SMARCA4: variants seen among roughly 807,000 people sequenced by gnomAD.
SMARCA4 encodes SWI/SNF-related matrix-associated actin-dependent regulator of chromatin subfamily A member 4.
SMARCA4 carries 31 observed loss-of-function variants against 193.9 expected under a neutral mutation model. The observed-to-expected ratio is 0.16, with a 90% CI of 0.12 to 0.22. The LOEUF (loss-of-function observed/expected upper bound fraction) is 0.22. SMARCA4 is among the 10% of genes least tolerant of loss of function. SMARCA4 has a pLI of 1.00. For synonymous variants in SMARCA4, 942 were observed against 933.1 expected (o/e 1.01, Z -0.17); for missense variants, 1,148 against 2,296.0 (o/e 0.50, Z 10.22).
intron 15 of SMARCA4, 107 bp downstream of exon 15, chr19:11,010,638 C>A: frequency 9.2e-7 from 1 of 1,086,894 alleles, no homozygotes. Flanking sequence ...ACCTTTTGCT[C>A]TTTGTGGGCA....
intron 1 of SMARCA4, among the ~76,000 whole-genome samples, chr19:10,965,882 T>C (rs1330637711): frequency 6.6e-6 from 1 of 151,982 alleles, no homozygotes; most frequent in African/African-American, 2.4e-5. Context: ...TGGTCCATCA[T>C]TGACCAAAAT....
intron 1 of SMARCA4, among the ~76,000 whole-genome samples, chr19:10,972,447 TTG>T (rs2084751258): frequency 6.6e-6 from 1 of 151,952 alleles, no homozygotes; most frequent in African/African-American, 2.4e-5. Flanking sequence ...CTATGTGACA[TTG>T]TGTCATGTTT....
rs2075110610 is a variant in SMARCA4, at chr19:11,034,065, T to G, written c.3874-58T>G. On this transcript the variant is annotated intron_variant, in intron 27 of 34. Coordinates refer to ENST00000344626, the MANE Select transcript of SMARCA4 (RefSeq NM_003072.5). The surrounding 1 kb of genome is among the most constrained non-coding windows in gnomAD (Gnocchi z 7.0). ...CGGACGCCGCCGCTCGCCTCTGAGC[T>G]CGGCCGCCGCCCACCCCGGCCCCTC... is the stretch of plus-strand genomic sequence containing the variant. 4.3e-6 allele frequency: 6 copies of G among 1,385,362 alleles called. No homozygotes were observed. In the South Asian group the frequency reaches 6.9e-5, roughly 16 times the overall value. The allele number at this position is 1,385,362 out of a possible 1,614,324, so 85.8% of individuals were successfully genotyped here.
rs988922469 is a variant in SMARCA4 at position 11,041,800 on chromosome 19, C to A, written c.4424+240C>A. Reference sequence around the variant, plus strand: ...TGTCACATGTGGTCGAGAGGAGAGGCAGGGGTGCGGGTCTCGGAGAAGGGG... The same window carrying A: ...TGTCACATGTGGTCGAGAGGAGAGGAAGGGGTGCGGGTCTCGGAGAAGGGG... On this transcript the variant is annotated intron_variant, in intron 30 of 34. Transcript: ENST00000344626. The surrounding 1 kb of genome is among the most constrained non-coding windows in gnomAD (Gnocchi z 5.6). 2.0e-5 allele frequency among the ~76,000 whole-genome samples: 3 copies of A among 152,026 alleles called. No individual in the cohort carries two copies. The highest frequency in any genetic ancestry group is 7.2e-5 in the African/African-American group (3 of 41,394).
chr19:10,989,473 A>T (rs1032564551), intron 7 of SMARCA4, 30 bp downstream of exon 7: 1 of 1,612,730 alleles, frequency 6.2e-7, no homozygotes, highest in East Asian at 2.2e-5. Flanking sequence ...CAGCTTTCCG[A>T]AAAGGGCCTT....
intron 1 of SMARCA4, among the ~76,000 whole-genome samples, chr19:10,979,359 T>A (rs959674637): frequency 2.7e-5 from 4 of 150,712 alleles, no homozygotes; most frequent in African/African-American, 9.7e-5. Flanking sequence ...ATGAGAATGC[T>A]CACATAAAAA....
intron 8 of SMARCA4, among the ~76,000 whole-genome samples, chr19:10,993,727 G>C (rs1403593741): frequency 2.0e-5 from 3 of 151,434 alleles, no homozygotes; most frequent in Non-Finnish European, 2.9e-5. Flanking sequence ...CTCACTGCAA[G>C]CTCTGCCTGC....
intron 11 of SMARCA4, among the ~76,000 whole-genome samples, chr19:10,998,170 G>A (rs918278183): frequency 2.0e-5 from 3 of 152,142 alleles, no homozygotes; most frequent in Non-Finnish European, 4.4e-5. Context: ...ATAGGCGTGA[G>A]CCACCACGCT....
chr19:11,061,622 C>T lies in SMARCA4; in HGVS notation c.4912-162C>T, dbSNP rs551001604. On this transcript the variant is annotated intron_variant, in intron 34 of 34. Coordinates refer to ENST00000344626, the MANE Select transcript of SMARCA4 (RefSeq NM_003072.5). ...CGATCTCCTGACCTCGTGATCCGCCCGCCTTGGCCTTCCAAAGTGCTGGGA... is the reference window on the plus strand; with the variant it reads ...CGATCTCCTGACCTCGTGATCCGCCTGCCTTGGCCTTCCAAAGTGCTGGGA... 1.3e-4 allele frequency: 95 copies of T among 721,000 alleles called. No individual in the cohort carries two copies. In the East Asian group the frequency reaches 2.0e-3, roughly 15 times the overall value. The allele number at this position is 721,000 out of a possible 1,614,324, so 44.7% of individuals were successfully genotyped here.
In SMARCA4 at chr19:10,985,339, G is replaced by A. The variant is rs566882838; in HGVS notation, c.289G>A (p.Gly97Arg). 1 of 1,614,052 alleles carries A rather than the reference G, an allele frequency of 6.2e-7. No homozygotes were observed. The highest frequency in any genetic ancestry group is 2.2e-5 in the East Asian group (1 of 44,864). Reference sequence around the variant, plus strand: ...GCGCTACAACCAGATGAAAGGAATGGGGATGCGGTCAGGGGGCCATGCTGG... The same window carrying A: ...GCGCTACAACCAGATGAAAGGAATGAGGATGCGGTCAGGGGGCCATGCTGG... ...DPRYNQMKGM[G>R]MRSGGHAGMG... Residue 97 changes from glycine (G) to arginine (R), a missense_variant, in exon 3 of 35, where the codon GGG (glycine) becomes AGG (arginine). This residue lies in a region of SMARCA4 where 201 missense variants were observed against 248.3 expected (regional missense o/e 0.81). Coordinates refer to ENST00000344626, the MANE Select transcript of SMARCA4 (RefSeq NM_003072.5). This position sits in a 1 kb window ranked among gnomAD's most constrained non-coding sequence, Gnocchi z 4.5.
In SMARCA4 at chr19:11,041,578, G is replaced by T. The variant is rs1424376113; in HGVS notation, c.4424+18G>T. Reference sequence around the variant, plus strand: ...AAGGACAGGTAAGCGAGGAGGCGGGGAGGGCGGGGGCTGTAGGGGTCCCCG... The same window carrying T: ...AAGGACAGGTAAGCGAGGAGGCGGGTAGGGCGGGGGCTGTAGGGGTCCCCG... On this transcript the variant is annotated intron_variant, in intron 30 of 34. Transcript: ENST00000344626. The surrounding 1 kb of genome is among the most constrained non-coding windows in gnomAD (Gnocchi z 5.6). 6.2e-7 allele frequency: 1 copy of T among 1,609,830 alleles called. No individual in the cohort carries two copies. Among genetic ancestry groups the T allele is most frequent in the Non-Finnish European group, 8.5e-7 (1 of 1,178,988 alleles).
chr19:11,045,981 T>G (rs894538977), intron 30 of SMARCA4, among the ~76,000 whole-genome samples: 1 of 152,054 alleles, frequency 6.6e-6, no homozygotes, highest in Non-Finnish European at 1.5e-5. Context: ...CCCAGCACTT[T>G]GGGAGGCTGA....
At chr19:11,061,199 AAAAAAAT>A (rs1341993477) in intron 34 of SMARCA4, among the ~76,000 whole-genome samples, 25 of 73,812 alleles carry the variant, frequency 3.4e-4, no homozygotes, top group South Asian at 1.3e-3. Context: ...AAAAAAAAAA[AAAAAAAT>A]ATATATATAT....
In SMARCA4 at chr19:10,996,374, AAAG is replaced by A. The variant is rs1429065030; in HGVS notation, c.1759_1761del (p.Lys588del). The stretch of plus-strand genomic sequence containing the variant: ...CCAAGGAGAAAAAGAAGAAAAAGAA[AAAG>A]AAGGTGTGCTGGGCCTGGCATGGTG... On this transcript the variant is annotated inframe_deletion, in exon 10 of 35. Transcript: ENST00000344626. The A allele has an allele frequency of 1.9e-6, 3 of 1,614,204 alleles. No homozygotes were observed. The highest frequency in any genetic ancestry group is 1.6e-4 in the Middle Eastern group (1 of 6,062).
chr19:11,051,038 G>A (rs981728980), intron 30 of SMARCA4, among the ~76,000 whole-genome samples: 1 of 152,268 alleles, frequency 6.6e-6, no homozygotes, highest in African/African-American at 2.4e-5. Flanking sequence ...CATAACCATG[G>A]CAGAGGGCTC....
intron 1 of SMARCA4, chr19:10,961,613 C>G (rs1422032645): frequency 1.3e-5 from 2 of 152,248 alleles, no homozygotes; most frequent in Admixed American, 1.3e-4. Context: ...GCGATCGGGG[C>G]TCAGCCAAAC....
chr19:11,007,115 G>C (rs995843986), intron 13 of SMARCA4, among the ~76,000 whole-genome samples: 3 of 151,550 alleles, frequency 2.0e-5, no homozygotes, highest in African/African-American at 7.3e-5. Flanking sequence ...GAAGTGTCAG[G>C]AATCTGTGGT....
chr19:11,036,288 A>G (rs1455132389), intron 29 of SMARCA4, among the ~76,000 whole-genome samples: 1 of 152,028 alleles, frequency 6.6e-6, no homozygotes, highest in African/African-American at 2.4e-5. Context: ...CCGGCCCTGC[A>G]TTTTTTTCTT....
At chr19:11,018,548 T>C (rs965875242) in intron 16 of SMARCA4, among the ~76,000 whole-genome samples, 1 of 152,190 alleles carries the variant, frequency 6.6e-6, no homozygotes, top group African/African-American at 2.4e-5. Flanking sequence ...AAAGACTGTT[T>C]GGTGTCTCCT....
Sources: gnomAD v4.1 joint callset for allele counts (sites outside exome capture counted in the v4.1 genomes callset) on GRCh38, gnomAD v4.1.1 for gene constraint, gnomAD v4.1.1 regional missense constraint, Gnocchi (gnomAD v3.1) non-coding constraint, MANE v1.5 for transcripts, NCBI Gene and HGNC (gene_info 2026-07-23, HGNC 2026-07-21) for gene names.